ADAM23: variants seen among roughly 807,000 people sequenced by gnomAD.
The protein encoded by ADAM23 is ADAM metallopeptidase domain 23.
ADAM23 carries 33 observed loss-of-function variants against 120.1 expected under a neutral mutation model. The observed-to-expected ratio is 0.27, with a 90% CI of 0.21 to 0.37. The LOEUF is 0.37. Ranked by LOEUF, ADAM23 falls within the 10% of genes least tolerant of loss-of-function variation. The pLI is 1.00. For missense variants in ADAM23, 862 were observed against 1,058.2 expected, an observed-to-expected ratio of 0.81 and a Z score of 2.57; for synonymous variants, 367 against 375.2, an observed-to-expected ratio of 0.98 and a Z score of 0.25.
intron 2 of ADAM23, among the ~76,000 whole-genome samples, chr2:206,469,729 G>A (rs1464466068): frequency 6.6e-6 from 1 of 152,144 alleles, no homozygotes; most frequent in Non-Finnish European, 1.5e-5. Flanking sequence ...ACTATTGCCT[G>A]CACAACTCCT....
intron 3 of ADAM23, among the ~76,000 whole-genome samples, chr2:206,487,745 CCTT>C (rs1374617937): frequency 6.6e-6 from 1 of 152,186 alleles, no homozygotes; most frequent in East Asian, 1.9e-4. Context: ...AAGGGTAATG[CCTT>C]CTTGGTTAAA....
intron 3 of ADAM23, among the ~76,000 whole-genome samples, chr2:206,484,929 C>T (rs1009714695): frequency 9.2e-5 from 14 of 152,184 alleles, no homozygotes; most frequent in Middle Eastern, 3.2e-3. Context: ...TGCACATGCT[C>T]TCTTGCCTGC....
At chr2:206,530,537 G>C (rs537065046) in intron 3 of ADAM23, among the ~76,000 whole-genome samples, 3 of 151,202 alleles carry the variant, frequency 2.0e-5, no homozygotes, top group Non-Finnish European at 4.4e-5. Flanking sequence ...AGAGTTCACC[G>C]TCCGGGAGGC....
chr2:206,486,112 G>A (rs1696007184), intron 3 of ADAM23, among the ~76,000 whole-genome samples: 2 of 152,230 alleles, frequency 1.3e-5, no homozygotes, highest in Admixed American at 6.5e-5. Flanking sequence ...ATGGTGAGGA[G>A]TGTGGGTCTG....
Position 206,473,599 on chromosome 2 carries a change from T to C in ADAM23, c.433-7633T>C, listed in dbSNP as rs148783577. On this transcript the variant is annotated intron_variant, in intron 2 of 25. Transcript: ENST00000264377. The stretch of plus-strand genomic sequence containing the variant: ...ATAATAATAATAATAATAATAATAA[T>C]AACAACAACAACAACAACAATAACG... Among the ~76,000 whole-genome samples the C allele has an allele frequency of 1.1e-3, 160 of 148,546 alleles. 1 individual carries two copies. The highest frequency in any genetic ancestry group is 2.4e-3 in the African/African-American group (94 of 39,830).
intron 9 of ADAM23, 114 bp from the exon 10 acceptor site, chr2:206,557,313 T>A (rs895721919): frequency 1.1e-6 from 1 of 889,652 alleles, no homozygotes; most frequent in African/African-American, 1.7e-5. Flanking sequence ...AACTAAATTA[T>A]ATATTTTTAA....
chr2:206,552,239 G>A (rs1169421758), intron 9 of ADAM23, among the ~76,000 whole-genome samples: 1 of 152,014 alleles, frequency 6.6e-6, no homozygotes, highest in African/African-American at 2.4e-5. Flanking sequence ...TTCTCAAATA[G>A]CTGTTAATCT....
chr2:206,510,621 G>C (rs1415540404), intron 3 of ADAM23, among the ~76,000 whole-genome samples: 1 of 152,202 alleles, frequency 6.6e-6, no homozygotes, highest in African/African-American at 2.4e-5. Flanking sequence ...TTAAAAAGCA[G>C]ATTGTCTGAG....
chr2:206,477,922 A>ATATATATATATATATATATATAT (rs1491552690), intron 2 of ADAM23, among the ~76,000 whole-genome samples: 10 of 137,078 alleles, frequency 7.3e-5, no homozygotes, highest in East Asian at 2.0e-4. Context: ...ATATATATAT[A>ATATATATATATATATATATATAT]AAACAACAAT....
At chr2:206,602,932 CAG>C (rs1349796461) in intron 24 of ADAM23, among the ~76,000 whole-genome samples, 1 of 152,004 alleles carries the variant, frequency 6.6e-6, no homozygotes, top group Non-Finnish European at 1.5e-5. Flanking sequence ...AGGTAATAAA[CAG>C]ATTCCACAAA....
Position 206,606,105 on chromosome 2 carries a change from G to A in ADAM23, c.2360-3805G>A, listed in dbSNP as rs185574182. Reference sequence around the variant, plus strand: ...ATAACATAACACTGGGTGTGCTTCCGATATCTTCATAATTAAGGCAATAGT... The same window carrying A: ...ATAACATAACACTGGGTGTGCTTCCAATATCTTCATAATTAAGGCAATAGT... On this transcript the variant is annotated intron_variant, in intron 24 of 25. Transcript: ENST00000264377. Among the ~76,000 whole-genome samples, 179 of 152,286 alleles carry A rather than the reference G, an allele frequency of 1.2e-3. 1 individual carries two copies. The highest frequency in any genetic ancestry group is 5.3e-4 in the Non-Finnish European group (36 of 68,016).
intron 18 of ADAM23, among the ~76,000 whole-genome samples, chr2:206,577,377 G>A: frequency 7.2e-6 from 1 of 139,312 alleles, no homozygotes; most frequent in Non-Finnish European, 1.5e-5. Context: ...TCGTCATCTA[G>A]CATTAGGTAT....
intron 3 of ADAM23, among the ~76,000 whole-genome samples, chr2:206,519,341 A>G (rs547859753): frequency 6.6e-6 from 1 of 152,274 alleles, no homozygotes; most frequent in East Asian, 1.9e-4. Flanking sequence ...GCTTGTTATT[A>G]TTTTAAAATT....
Position 206,544,977 on chromosome 2 carries a change from G to T in ADAM23, c.720+1661G>T, listed in dbSNP as rs534643527. 4.6e-5 allele frequency among the ~76,000 whole-genome samples: 7 copies of T among 152,242 alleles called. No homozygotes were observed. The South Asian group carries it at 1.5e-3, about 32-fold the overall frequency. On this transcript the variant is annotated intron_variant, in intron 6 of 25. Coordinates refer to ENST00000264377, the MANE Select transcript of ADAM23 (RefSeq NM_003812.4). ...GCCTTGAGGCAGGAGTGTGCCTAGG[G>T]TGTTCGAGGAGCTTTGAGGAACCTG...
chr2:206,463,964 GC>G (rs1695486226), intron 2 of ADAM23, among the ~76,000 whole-genome samples: 1 of 152,216 alleles, frequency 6.6e-6, no homozygotes, highest in African/African-American at 2.4e-5. Context: ...ATATGAAGCT[GC>G]CACTTTGGGA....
At position 206,527,824 on chromosome 2, in the gene ADAM23, G is replaced by A. The variant is rs1011315284; in HGVS notation, c.510-3061G>A. Among the ~76,000 whole-genome samples, 82 of 152,188 alleles carry A rather than the reference G, an allele frequency of 5.4e-4. 1 individual carries two copies. Among genetic ancestry groups the A allele is most frequent in the African/African-American group, 2.0e-3 (81 of 41,452 alleles). On this transcript the variant is annotated intron_variant, in intron 3 of 25. Transcript: ENST00000264377. ...TAAATGGGGATGTGTGCTATTTACA[G>A]GAAGTAGAAGAGTGGACTGGCATGG...
Position 206,573,121 on chromosome 2 carries a change from C to T in ADAM23, c.1663C>T (p.Pro555Ser), listed in dbSNP as rs752516296. The T allele has an allele frequency of 4.3e-6, 7 of 1,613,712 alleles. No individual in the cohort carries two copies. The South Asian group carries it at 6.6e-5, about 15-fold the overall frequency. The part of the protein sequence containing the change: ...CCNNTSCLFQ[P>S]RGYECRDAVN... ...ATTGAATTTTGATTTGCAGTTTCAG[C>T]CACGAGGGTATGAATGCCGGGATGC... The change falls in exon 18 of 26, where the codon CCA becomes TCA. Residue 555 changes from proline to serine, a missense_variant. Pro to Ser is a moderately conservative substitution (Grantham distance 74). This residue lies in a region of ADAM23 where 617 missense variants were observed against 813.5 expected (regional missense o/e 0.76). Coordinates refer to ENST00000264377, the MANE Select transcript of ADAM23 (RefSeq NM_003812.4).
At chr2:206,527,481 G>A (rs376150223) in intron 3 of ADAM23, among the ~76,000 whole-genome samples, 1 of 152,152 alleles carries the variant, frequency 6.6e-6, no homozygotes, top group African/African-American at 2.4e-5. Context: ...ATTATTTCAA[G>A]ACTTTTATAA....
At position 206,476,002 on chromosome 2, in the gene ADAM23, A is replaced by G. The variant is rs114000014; in HGVS notation, c.433-5230A>G. On this transcript the variant is annotated intron_variant, in intron 2 of 25. Coordinates refer to ENST00000264377, the MANE Select transcript of ADAM23 (RefSeq NM_003812.4). The stretch of plus-strand genomic sequence containing the variant: ...TGTAGCTGCTGTATTCAGTGTTTTA[A>G]CAGACATAGAATAAACATTGTTTTT... Among the ~76,000 whole-genome samples the G allele has an allele frequency of 1.8e-3, 280 of 152,310 alleles. 1 individual carries two copies. The highest frequency in any genetic ancestry group is 3.2e-3 in the Non-Finnish European group (220 of 68,014).
Sources: gnomAD v4.1 joint callset for allele counts (sites outside exome capture counted in the v4.1 genomes callset) on GRCh38, gnomAD v4.1.1 for gene constraint, gnomAD v4.1.1 regional missense constraint, MANE v1.5 for transcripts, NCBI Gene and HGNC (gene_info 2026-07-23, HGNC 2026-07-21) for gene names.